The following CASD1 variants were observed in gnomAD, a reference collection of about 807,000 sequenced individuals.
CASD1 encodes CAS1 domain sialic acid O acetyltransferase 1.
In CASD1, 41 loss-of-function variants were observed where a neutral mutation model predicts 100.0. The ratio of observed to expected loss-of-function variants is 0.41; its 90% CI spans 0.32 to 0.53. The LOEUF (loss-of-function observed/expected upper bound fraction) is 0.53, where lower values mean the gene tolerates loss of function less well. Among genes scored for constraint, CASD1 ranks in the 20% least tolerant of loss-of-function variants. The pLI is 0.25. For synonymous variants in CASD1, 321 were observed against 315.6 expected (o/e 1.02, Z -0.18); for missense variants, 774 against 948.7 (o/e 0.82, Z 2.42).
At chr7:94,628,545 T>C in the CASD1 span, 1 of 568,908 alleles carries the variant, frequency 1.8e-6, no homozygotes, top group Non-Finnish European at 3.1e-6. Flanking sequence ...CTTTTGGTTG[T>C]TTAATTTGTT....
At chr7:94,629,463 G>A in the CASD1 span, 1 of 394,904 alleles carries the variant, frequency 2.5e-6, no homozygotes. Context: ...GTGAATATAG[G>A]TAGATCACTT....
the CASD1 span, among the ~76,000 whole-genome samples, chr7:94,568,622 G>A: frequency 2.0e-5 from 3 of 152,268 alleles, no homozygotes; most frequent in East Asian, 5.8e-4. Context: ...AAGAACAAAC[G>A]ACAGATAAGT....
At chr7:94,557,173 C>T (rs1796238286), downstream of CASD1, among the ~76,000 whole-genome samples, 1 of 152,014 alleles carries the variant, frequency 6.6e-6, no homozygotes. Context: ...ATCTGCTTTC[C>T]ACCAAGGAAG....
At chr7:94,538,449 A>G (rs961280746) in intron 9 of CASD1, among the ~76,000 whole-genome samples, 6 of 152,162 alleles carry the variant, frequency 3.9e-5, no homozygotes, top group Non-Finnish European at 8.8e-5. Flanking sequence ...TATTTGAATT[A>G]CTGAATTCTA....
At chr7:94,633,123 C>G in the CASD1 span, among the ~76,000 whole-genome samples, 1 of 151,976 alleles carries the variant, frequency 6.6e-6, no homozygotes, top group Non-Finnish European at 1.5e-5. Flanking sequence ...CTCTGTGTAT[C>G]GCATGGTTTT....
the CASD1 span, among the ~76,000 whole-genome samples, chr7:94,605,157 C>T: frequency 6.6e-6 from 1 of 151,888 alleles, no homozygotes; most frequent in Non-Finnish European, 1.5e-5. Context: ...ACTGAACAAG[C>T]ATCACACCGG....
chr7:94,529,542 G>T (rs1476210752), intron 5 of CASD1, among the ~76,000 whole-genome samples: 1 of 152,114 alleles, frequency 6.6e-6, no homozygotes, highest in African/African-American at 2.4e-5. Flanking sequence ...AGTATATATG[G>T]ATGTATGTAT....
At chr7:94,572,040 A>T in the CASD1 span, among the ~76,000 whole-genome samples, 1 of 152,114 alleles carries the variant, frequency 6.6e-6, no homozygotes, top group Non-Finnish European at 1.5e-5. Flanking sequence ...AACATCTGGG[A>T]TTGTGGCTTT....
chr7:94,614,787 G>C, the CASD1 span, among the ~76,000 whole-genome samples: 1 of 151,974 alleles, frequency 6.6e-6, no homozygotes, highest in African/African-American at 2.4e-5. Flanking sequence ...TGCAAGCCTA[G>C]ATTGTGTTTT....
the CASD1 span, chr7:94,599,184 TTA>T: frequency 2.0e-6 from 1 of 494,836 alleles, no homozygotes; most frequent in Non-Finnish European, 3.6e-6. Flanking sequence ...CATAGGTGTT[TTA>T]TTAAACTAAG....
the CASD1 span, among the ~76,000 whole-genome samples, chr7:94,578,793 A>G: frequency 6.6e-6 from 1 of 152,188 alleles, no homozygotes. Flanking sequence ...GGCAGAAACC[A>G]CAACCACCTG....
chr7:94,547,082 AT>A lies in CASD1; in HGVS notation c.1634-10del, dbSNP rs763479178. 1.3e-6 allele frequency: 2 copies of A among 1,533,000 alleles called. No individual in the cohort carries two copies. Among genetic ancestry groups the A allele is most frequent in the Non-Finnish European group, 1.8e-6 (2 of 1,125,030 alleles). 95.0% of individuals were successfully genotyped at this position (1,533,000 alleles called of 1,614,324 possible). A position where few individuals can be genotyped will look rare whatever the true frequency, so the allele number is the denominator to read the frequency against. On this transcript the variant is annotated splice_polypyrimidine_tract_variant and intron_variant, in intron 12 of 17. Transcript: ENST00000297273. ...AAATTTATTTTTTAGTAAATTAAAT[AT>A]TTTCTCTCTTAGGAAATTGTTTCTG...
At chr7:94,598,899 T>G in the CASD1 span, 8 of 1,613,844 alleles carry the variant, frequency 5.0e-6, no homozygotes, top group Non-Finnish European at 5.9e-6. Flanking sequence ...ATCTCTCTAT[T>G]CTTGGACATG....
Position 94,537,838 on chromosome 7 carries a change from A to G in CASD1, c.1210A>G (p.Ile404Val), listed in dbSNP as rs368836346. Residue 404 changes from isoleucine (I) to valine (V), a missense_variant, in exon 9 of 18, where the codon ATT (isoleucine) becomes GTT (valine). Transcript: ENST00000297273. ...ATTTTATACACATTCATCTTTCTTT[A>G]TTCCAATTATCTACATTTTGGTTTT... is the stretch of plus-strand genomic sequence containing the variant. ...NKFYTHSSFF[I>V]PIIYILVLGV... The G allele has an allele frequency of 6.3e-7, 1 of 1,582,726 alleles. No homozygotes were observed. The highest frequency in any genetic ancestry group is 8.7e-7 in the Non-Finnish European group (1 of 1,151,984).
intron 3 of CASD1, among the ~76,000 whole-genome samples, chr7:94,524,569 C>T (rs1345997957): frequency 1.3e-5 from 2 of 151,994 alleles, no homozygotes; most frequent in African/African-American, 4.8e-5. Flanking sequence ...ACAAATACTC[C>T]AGAAAATAAT....
At chr7:94,528,951 G>T (rs1315204820) in intron 5 of CASD1, among the ~76,000 whole-genome samples, 2 of 151,932 alleles carry the variant, frequency 1.3e-5, no homozygotes, top group Non-Finnish European at 2.9e-5. Flanking sequence ...TTTGGTTTGG[G>T]ATTTTTTTTT....
At chr7:94,561,936 T>C (rs1054435232), downstream of CASD1, among the ~76,000 whole-genome samples, 1 of 152,204 alleles carries the variant, frequency 6.6e-6, no homozygotes, top group African/African-American at 2.4e-5. Context: ...AGTAACTTCC[T>C]GACTTACCCC....
At chr7:94,519,600 C>T (rs1167069707) in intron 3 of CASD1, among the ~76,000 whole-genome samples, 1 of 151,882 alleles carries the variant, frequency 6.6e-6, no homozygotes, top group Non-Finnish European at 1.5e-5. Context: ...GTAGAGAAGA[C>T]TCAGAACTAT....
intron 6 of CASD1, 28 bp from the exon 7 acceptor site, chr7:94,533,651 T>C: frequency 6.4e-7 from 1 of 1,553,452 alleles, no homozygotes; most frequent in Non-Finnish European, 8.7e-7. Context: ...AAATACTAAA[T>C]TAATGCATAA....
Sources: allele counts gnomAD v4.1 joint callset (sites outside exome capture counted in the v4.1 genomes callset), GRCh38; gene constraint gnomAD v4.1.1; transcripts MANE v1.5; gene names NCBI Gene and HGNC (gene_info 2026-07-23, HGNC 2026-07-21).